NPFFR1: variants seen among roughly 807,000 people sequenced by gnomAD.
The protein encoded by NPFFR1 is G-protein coupled receptor 147.
In NPFFR1, 17 loss-of-function variants were observed where a neutral mutation model predicts 12.7. The ratio of observed to expected loss-of-function variants is 1.34; its 90% CI spans 0.92 to 2.01. The LOEUF (loss-of-function observed/expected upper bound fraction) is 2.01, where lower values mean the gene tolerates loss of function less well. Among genes scored for constraint, NPFFR1 ranks in the 30% most tolerant of loss-of-function variants. NPFFR1 has a pLI of 0.00. For synonymous variants in NPFFR1, 296 were observed against 264.5 expected (o/e 1.12, Z -1.16); for missense variants, 604 against 606.5 (o/e 1.00, Z 0.04).
At chr10:70,282,628 G>A (rs752878613) in intron 1 of NPFFR1, among the ~76,000 whole-genome samples, 15 of 152,260 alleles carry the variant, frequency 9.9e-5, no homozygotes, top group East Asian at 5.8e-4. Context: ...TCATACTGGC[G>A]TGTTGTACAA....
chr10:70,255,912 CCTT>C lies in NPFFR1; in HGVS notation c.423-88_423-86del. ...CGGTGGGTGGGATGCGGGCACCTGA[CCTT>C]CATCATCGCATCTAGGGCGGCGTCG... is the stretch of plus-strand genomic sequence containing the variant. On this transcript the variant is annotated intron_variant, in intron 3 of 3. Coordinates refer to ENST00000277942, the MANE Select transcript of NPFFR1 (RefSeq NM_022146.5). The surrounding 1 kb of genome is among the most constrained non-coding windows in gnomAD (Gnocchi z 4.2). 7.1e-7 allele frequency: 1 copy of C among 1,417,010 alleles called. No individual in the cohort carries two copies. The highest frequency in any genetic ancestry group is 1.4e-5 in the South Asian group (1 of 73,034). The allele number at this position is 1,417,010 out of a possible 1,614,324, so 87.8% of individuals were successfully genotyped here.
At chr10:70,283,616 C>T in intron 1 of NPFFR1, 54 bp downstream of exon 1, 5 of 1,503,442 alleles carry the variant, frequency 3.3e-6, no homozygotes, top group Non-Finnish European at 4.5e-6. Flanking sequence ...TCGCCCCATG[C>T]CCCGGAGTCG....
intron 3 of NPFFR1, among the ~76,000 whole-genome samples, chr10:70,259,800 G>A (rs1840614672): frequency 6.6e-6 from 1 of 152,220 alleles, no homozygotes; most frequent in African/African-American, 2.4e-5. Flanking sequence ...GCTTTTACAA[G>A]CAGGAGCTCA....
At chr10:70,267,385 T>C (rs1430441672) in intron 1 of NPFFR1, among the ~76,000 whole-genome samples, 1 of 152,198 alleles carries the variant, frequency 6.6e-6, no homozygotes, top group Non-Finnish European at 1.5e-5. Context: ...CATCCCATGA[T>C]GTAAGTCATT....
At chr10:70,260,411 A>C (rs1840619357) in intron 3 of NPFFR1, among the ~76,000 whole-genome samples, 1 of 152,156 alleles carries the variant, frequency 6.6e-6, no homozygotes. Context: ...AAGCCAACCA[A>C]GGCTACCTTC....
In NPFFR1 at chr10:70,283,796, C is replaced by T; in HGVS notation, c.-120G>A. On this transcript the variant is annotated 5_prime_UTR_variant, in exon 1 of 4. Coordinates refer to ENST00000277942, the MANE Select transcript of NPFFR1 (RefSeq NM_022146.5). ...GTTGCGGGCTGCGCCCCTGCCTCCG[C>T]GCTCCGCAGGTCCGGTCGGTCCGGG... The T allele has an allele frequency of 3.5e-6, 4 of 1,149,524 alleles. No individual in the cohort carries two copies. Among genetic ancestry groups the T allele is most frequent in the Non-Finnish European group, 5.0e-6 (4 of 804,708 alleles). 71.2% of individuals were successfully genotyped at this position (1,149,524 alleles called of 1,614,324 possible).
intron 1 of NPFFR1, 146 bp from the exon 2 acceptor site, chr10:70,266,537 C>T: frequency 3.1e-6 from 2 of 652,182 alleles, no homozygotes; most frequent in Non-Finnish European, 5.3e-6. Flanking sequence ...CAACTTGATG[C>T]ACTGATCCAA....
chr10:70,274,800 A>G (rs1254121965), intron 1 of NPFFR1, among the ~76,000 whole-genome samples: 1 of 152,230 alleles, frequency 6.6e-6, no homozygotes, highest in African/African-American at 2.4e-5. Flanking sequence ...TATTGACTGC[A>G]TTAGCTATCT....
intron 1 of NPFFR1, among the ~76,000 whole-genome samples, chr10:70,267,222 C>A (rs758671203): frequency 2.6e-5 from 4 of 152,174 alleles, no homozygotes; most frequent in Non-Finnish European, 4.4e-5. Context: ...TGAACCAGGG[C>A]TAAGGAGAAG....
chr10:70,266,068 C>T lies in NPFFR1; in HGVS notation c.322+9G>A, dbSNP rs757676699. On this transcript the variant is annotated intron_variant, in intron 2 of 3. Transcript: ENST00000277942. ...GGGGACACTCCTGCTGCCAACTGCCCGCACTCACCAGTGATGAGGTTGTCC... is the reference window on the plus strand; with the variant it reads ...GGGGACACTCCTGCTGCCAACTGCCTGCACTCACCAGTGATGAGGTTGTCC... 5.0e-6 allele frequency: 8 copies of T among 1,611,442 alleles called. No homozygotes were observed. Among genetic ancestry groups the T allele is most frequent in the East Asian group, 4.5e-5 (2 of 44,856 alleles).
At chr10:70,259,950 C>A (rs1234996742) in intron 3 of NPFFR1, among the ~76,000 whole-genome samples, 2 of 152,300 alleles carry the variant, frequency 1.3e-5, no homozygotes, top group African/African-American at 4.8e-5. Context: ...GCCTGCCCAC[C>A]TTTCCCTGGG....
At position 70,251,062 on chromosome 10, in the gene NPFFR1, T is replaced by C. The variant is rs1185255524; in HGVS notation, c.*3895A>G. The stretch of plus-strand genomic sequence containing the variant: ...AGAGAAAAACAACAATAAAATGCCA[T>C]GATCATAAATAATTGGGTTATTCAA... On this transcript the variant is annotated 3_prime_UTR_variant, in exon 4 of 4. Transcript: ENST00000277942. The C allele has an allele frequency of 6.6e-6, 1 of 152,210 alleles. No individual in the cohort carries two copies. The highest frequency in any genetic ancestry group is 2.4e-5 in the African/African-American group (1 of 41,456). The allele number at this position is 152,210 out of a possible 1,614,324, so 9.4% of individuals were successfully genotyped here.
At position 70,252,916 on chromosome 10, in the gene NPFFR1, G is replaced by A. The variant is rs897784950; in HGVS notation, c.*2041C>T. The stretch of plus-strand genomic sequence containing the variant: ...CACCCCAGAGGAGACACCAGGTGGT[G>A]TCTTCAGACAATTCCCACCCAGCCA... On this transcript the variant is annotated 3_prime_UTR_variant, in exon 4 of 4. Transcript: ENST00000277942. 1.3e-5 allele frequency: 2 copies of A among 152,130 alleles called. No homozygotes were observed. Among genetic ancestry groups the A allele is most frequent in the African/African-American group, 2.4e-5 (1 of 41,426 alleles). The allele number at this position is 152,130 out of a possible 1,614,324, so 9.4% of individuals were successfully genotyped here.
At position 70,247,485 on chromosome 10, in the gene NPFFR1, A is replaced by G. The variant is rs1840461529; in HGVS notation, c.*7472T>C. 1 of 152,192 alleles carries G rather than the reference A, an allele frequency of 6.6e-6. No homozygotes were observed. Among genetic ancestry groups the G allele is most frequent in the Non-Finnish European group, 1.5e-5 (1 of 68,032 alleles). The allele number at this position is 152,192 out of a possible 1,614,324, so 9.4% of individuals were successfully genotyped here. On this transcript the variant is annotated 3_prime_UTR_variant, in exon 4 of 4. Transcript: ENST00000277942. ...GCACTATGGACAAACAAAATGCACT[A>G]CACAACATACTCCTCCTGGGGGGCA...
At position 70,249,145 on chromosome 10, in the gene NPFFR1, T is replaced by A. The variant is rs1840484110; in HGVS notation, c.*5812A>T. The A allele has an allele frequency of 6.6e-6, 1 of 152,174 alleles. No homozygotes were observed. The highest frequency in any genetic ancestry group is 1.5e-5 in the Non-Finnish European group (1 of 68,086). 9.4% of individuals were successfully genotyped at this position (152,174 alleles called of 1,614,324 possible). ...GGAGCATGGTGGCTCGCGCCTGTAATCCCAGCACTTTGGGAGGCCGAGGCG... is the reference window on the plus strand; with the variant it reads ...GGAGCATGGTGGCTCGCGCCTGTAAACCCAGCACTTTGGGAGGCCGAGGCG... On this transcript the variant is annotated 3_prime_UTR_variant, in exon 4 of 4. Transcript: ENST00000277942.
At chr10:70,269,098 C>A (rs891464853) in intron 1 of NPFFR1, among the ~76,000 whole-genome samples, 3 of 152,178 alleles carry the variant, frequency 2.0e-5, no homozygotes, top group African/African-American at 7.2e-5. Context: ...ATTGCTCCCT[C>A]ATGATGTCAT....
At position 70,249,539 on chromosome 10, in the gene NPFFR1, G is replaced by GT. The variant is rs1012738276; in HGVS notation, c.*5417dup. The GT allele has an allele frequency of 6.6e-6, 1 of 151,990 alleles. No individual in the cohort carries two copies. The highest frequency in any genetic ancestry group is 2.4e-5 in the African/African-American group (1 of 41,376). 9.4% of individuals were successfully genotyped at this position (151,990 alleles called of 1,614,324 possible). A position where few individuals can be genotyped will look rare whatever the true frequency, so the allele number is the denominator to read the frequency against. ...ACTCTGTCACCTAGGCTGGAGTGCA[G>GT]TGGCGCCATCTTGGCTCACTGAAAC... On this transcript the variant is annotated 3_prime_UTR_variant, in exon 4 of 4. Coordinates refer to ENST00000277942, the MANE Select transcript of NPFFR1 (RefSeq NM_022146.5).
At chr10:70,283,134 G>GTT (rs930628686) in intron 1 of NPFFR1, among the ~76,000 whole-genome samples, 4 of 138,670 alleles carry the variant, frequency 2.9e-5, no homozygotes, top group Non-Finnish European at 4.8e-5. Flanking sequence ...CTCTCTTTTT[G>GTT]TGTGTGTGTG....
rs1840518979 is a variant in NPFFR1, at chr10:70,252,301, C to A, written c.*2656G>T. On this transcript the variant is annotated 3_prime_UTR_variant, in exon 4 of 4. Transcript: ENST00000277942. ...CAAAAAGGATAGTATTGTATGATTC[C>A]TCTTGTATAGAAGTACCTAGAGTGG... 1 of 152,092 alleles carries A rather than the reference C, an allele frequency of 6.6e-6. No individual in the cohort carries two copies. Among genetic ancestry groups the A allele is most frequent in the African/African-American group, 2.4e-5 (1 of 41,390 alleles). The allele number at this position is 152,092 out of a possible 1,614,324, so 9.4% of individuals were successfully genotyped here.
Sources: allele counts gnomAD v4.1 joint callset (sites outside exome capture counted in the v4.1 genomes callset), GRCh38; gene constraint gnomAD v4.1.1; non-coding constraint Gnocchi (gnomAD v3.1); transcripts MANE v1.5; gene names NCBI Gene and HGNC (gene_info 2026-07-23, HGNC 2026-07-21).